Variants in ST18 observed in about 807,000 individuals in gnomAD.
ST18 encodes the protein ST18 C2H2C-type zinc finger transcription factor.
In ST18, 50 loss-of-function variants were observed where a neutral mutation model predicts 110.0. The observed-to-expected ratio is 0.45, with a 90% CI of 0.36 to 0.58. The LOEUF (loss-of-function observed/expected upper bound fraction) is 0.58, where lower values mean the gene tolerates loss of function less well. Among genes scored for constraint, ST18 ranks in the 20% least tolerant of loss-of-function variants. ST18 has a pLI of 0.00. For synonymous variants in ST18, 461 were observed against 452.4 expected (o/e 1.02, Z -0.24); for missense variants, 1,306 against 1,280.1 (o/e 1.02, Z -0.31).
In ST18 at chr8:52,364,980, G is replaced by A. The variant is rs114734678; in HGVS notation, c.-465+44348C>T. 8.8e-3 allele frequency among the ~76,000 whole-genome samples: 1,344 copies of A among 152,096 alleles called. 23 individuals are homozygous for A. Among genetic ancestry groups the A allele is most frequent in the African/African-American group, 0.03 (1,263 of 41,506 alleles). On this transcript the variant is annotated intron_variant, in intron 2 of 25. Transcript: ENST00000689386. ...ACAAAAATTAGCCAGGCATGGTTGCGGGGGGTGCCTGTAATCACAGCTACT... is the reference window on the plus strand; with the variant it reads ...ACAAAAATTAGCCAGGCATGGTTGCAGGGGGTGCCTGTAATCACAGCTACT...
At chr8:52,138,194 A>G (rs1365317716) in intron 17 of ST18, among the ~76,000 whole-genome samples, 3 of 152,182 alleles carry the variant, frequency 2.0e-5, no homozygotes, top group Non-Finnish European at 4.4e-5. Context: ...TCTTAGGAAC[A>G]CCAGCACCCA....
chr8:52,171,458 T>G (rs1024139882), intron 10 of ST18: 3 of 393,254 alleles, frequency 7.6e-6, no homozygotes, highest in Non-Finnish European at 1.5e-5. Flanking sequence ...CTGGAAGATT[T>G]AAGATCCAGT....
chr8:52,137,144 T>C (rs546121450), intron 18 of ST18, among the ~76,000 whole-genome samples: 1 of 152,342 alleles, frequency 6.6e-6, no homozygotes, highest in South Asian at 2.1e-4. Context: ...GTTGTATTTA[T>C]TCCTCATTCC....
At chr8:52,213,187 C>A (rs1389519098) in intron 7 of ST18, among the ~76,000 whole-genome samples, 1 of 152,022 alleles carries the variant, frequency 6.6e-6, no homozygotes, top group Non-Finnish European at 1.5e-5. Context: ...ATGAGCACAG[C>A]ATTATTCTGC....
chr8:52,309,584 T>C (rs1465109176), intron 2 of ST18, among the ~76,000 whole-genome samples: 4 of 148,008 alleles, frequency 2.7e-5, no homozygotes, highest in Non-Finnish European at 5.9e-5. Flanking sequence ...ATATGAGTAT[T>C]TTTTTTTATG....
chr8:52,254,562 A>G (rs1428438946), intron 2 of ST18, among the ~76,000 whole-genome samples: 1 of 152,090 alleles, frequency 6.6e-6, no homozygotes, highest in Non-Finnish European at 1.5e-5. Context: ...AACCTCCCAT[A>G]TATCAGTCAT....
chr8:52,118,506 T>A, intron 23 of ST18, 65 bp from the exon 24 acceptor site: 1 of 901,742 alleles, frequency 1.1e-6, no homozygotes, highest in Non-Finnish European at 1.6e-6. Context: ...ATTATATGTT[T>A]AATTTGTGAT....
chr8:52,149,202 CT>C (rs2058166780), intron 16 of ST18, among the ~76,000 whole-genome samples: 1 of 152,214 alleles, frequency 6.6e-6, no homozygotes, highest in Non-Finnish European at 1.5e-5. Flanking sequence ...ACAAATAGGT[CT>C]CCTTGACTTC....
At chr8:52,213,364 G>T (rs549818734) in intron 7 of ST18, among the ~76,000 whole-genome samples, 2 of 150,982 alleles carry the variant, frequency 1.3e-5, no homozygotes, top group African/African-American at 4.9e-5. Context: ...TTGATCAGCC[G>T]CTGTCAGTTG....
At chr8:52,203,751 T>A (rs2078897944) in intron 8 of ST18, among the ~76,000 whole-genome samples, 1 of 152,194 alleles carries the variant, frequency 6.6e-6, no homozygotes. Context: ...TAATTTTGTT[T>A]GCATTGGAGG....
chr8:52,319,631 A>G (rs1803001042), intron 2 of ST18, among the ~76,000 whole-genome samples: 1 of 152,152 alleles, frequency 6.6e-6, no homozygotes, highest in African/African-American at 2.4e-5. Context: ...CCACAAGTTT[A>G]GTATTATAAA....
chr8:52,172,628 T>C (rs768002711), intron 9 of ST18, 45 bp from the exon 10 acceptor site: 4 of 1,472,782 alleles, frequency 2.7e-6, no homozygotes, highest in East Asian at 4.6e-5. Flanking sequence ...GAACAAAAAA[T>C]ATTTTAGGAA....
At chr8:52,200,193 A>C (rs1187238088) in intron 8 of ST18, among the ~76,000 whole-genome samples, 1 of 152,070 alleles carries the variant, frequency 6.6e-6, no homozygotes, top group Non-Finnish European at 1.5e-5. Context: ...TATGAAAAAA[A>C]GACAGATTAG....
At chr8:52,185,838 CA>C (rs142895921) in intron 8 of ST18, among the ~76,000 whole-genome samples, 3,438 of 152,274 alleles carry the variant, frequency 0.023, 68 homozygotes, top group Middle Eastern at 0.051. Context: ...ATATTACCTT[CA>C]AAATGTGAGA....
At chr8:52,249,526 G>A (rs2138189761) in intron 2 of ST18, 1 of 152,224 alleles carries the variant, frequency 6.6e-6, no homozygotes, top group East Asian at 1.9e-4. Flanking sequence ...TAGGCTTTGT[G>A]TCATTTACTT....
intron 23 of ST18, among the ~76,000 whole-genome samples, chr8:52,125,673 A>G (rs2046765389): frequency 6.8e-6 from 1 of 147,932 alleles, no homozygotes; most frequent in African/African-American, 2.5e-5. Flanking sequence ...TTTTTTTTTT[A>G]GAGATGGGGT....
intron 2 of ST18, among the ~76,000 whole-genome samples, chr8:52,324,173 A>T (rs1040017579): frequency 6.6e-6 from 1 of 152,180 alleles, no homozygotes; most frequent in African/African-American, 2.4e-5. Flanking sequence ...TCCTCTCATG[A>T]AGCTCTGGGG....
At chr8:52,116,579 T>C (rs529364724) in intron 24 of ST18, among the ~76,000 whole-genome samples, 161 bp from the exon 25 acceptor site, 4 of 152,204 alleles carry the variant, frequency 2.6e-5, no homozygotes, top group African/African-American at 7.2e-5. Flanking sequence ...ACTGGATTGT[T>C]TGAAGTGCTG....
At chr8:52,252,551 A>G (rs1169511485) in intron 2 of ST18, among the ~76,000 whole-genome samples, 2 of 151,984 alleles carry the variant, frequency 1.3e-5, no homozygotes, top group Non-Finnish European at 2.9e-5. Flanking sequence ...GATCTCATAA[A>G]AGTTTCAATG....
Sources: allele counts gnomAD v4.1 joint callset (sites outside exome capture counted in the v4.1 genomes callset), GRCh38; gene constraint gnomAD v4.1.1; transcripts MANE v1.5; gene names NCBI Gene and HGNC (gene_info 2026-07-23, HGNC 2026-07-21).